The following PLCH1 variants were observed in gnomAD, a reference collection of about 807,000 sequenced individuals.
PLCH1 encodes phospholipase C eta 1, also known as 1-phosphatidylinositol 4,5-bisphosphate phosphodiesterase eta-1.
In PLCH1, 60 loss-of-function variants were observed where a neutral mutation model predicts 126.7. That is an observed-to-expected ratio of 0.47 (90% CI 0.38 to 0.59). PLCH1 has a LOEUF of 0.59. PLCH1 is among the 20% of genes least tolerant of loss of function. PLCH1 has a pLI of 0.00. For missense variants in PLCH1, 1,723 were observed against 2,040.0 expected, an observed-to-expected ratio of 0.84 and a Z score of 2.99; for synonymous variants, 719 against 734.9, an observed-to-expected ratio of 0.98 and a Z score of 0.35.
rs537317881 is a variant in PLCH1, at chr3:155,653,603, C to T, written c.79+50543G>A. Among the ~76,000 whole-genome samples the T allele has an allele frequency of 2.6e-5, 4 of 152,268 alleles. No homozygotes were observed. In the East Asian group the frequency reaches 7.7e-4, roughly 29 times the overall value. On this transcript the variant is annotated intron_variant, in intron 2 of 22. Transcript: ENST00000460012. ...TATATACCCTCACTTTTCAAATAGGCCCTCATTTCCCTTGTCAGTTCATTT... is the reference window on the plus strand; with the variant it reads ...TATATACCCTCACTTTTCAAATAGGTCCTCATTTCCCTTGTCAGTTCATTT...
intron 7 of PLCH1, among the ~76,000 whole-genome samples, chr3:155,566,468 T>C (rs142125883): frequency 4.8e-4 from 73 of 151,582 alleles, no homozygotes; most frequent in African/African-American, 1.7e-3. Flanking sequence ...GCTATGCTTA[T>C]GCAGTGTGAC....
intron 1 of PLCH1, among the ~76,000 whole-genome samples, chr3:155,724,782 G>A (rs1035404235): frequency 6.7e-6 from 1 of 149,114 alleles, no homozygotes; most frequent in African/African-American, 2.5e-5. Flanking sequence ...TATTCATCAT[G>A]GTATTTGTTG....
In PLCH1 at chr3:155,514,787, T is replaced by A; in HGVS notation, c.1568A>T (p.Asp523Val). The A allele has an allele frequency of 6.2e-7, 1 of 1,613,428 alleles. No homozygotes were observed. ...CAGTAGTGCCCGCACTGTGAAACTA[T>A]CAGGATCTTCTTTATCTCGAATTTG... Reference protein sequence around the residue: ...ESQIRDKEDPDSFTVRALLKA... With the variant: ...ESQIRDKEDPVSFTVRALLKA... Residue 523 changes from aspartate (D) to valine (V), a missense_variant, in exon 12 of 23, where the codon GAT becomes GTT. By Grantham distance (152) the Asp-to-Val change is radical. This residue lies in a region of PLCH1 where 776 missense variants were observed against 1,062.9 expected (regional missense o/e 0.73). Transcript: ENST00000460012.
At chr3:155,702,417 T>G (rs1343887907) in intron 2 of PLCH1, among the ~76,000 whole-genome samples, 2 of 152,162 alleles carry the variant, frequency 1.3e-5, no homozygotes, top group Non-Finnish European at 2.9e-5. Flanking sequence ...GATCAGGATT[T>G]GAATTTTAGG....
intron 2 of PLCH1, among the ~76,000 whole-genome samples, chr3:155,618,687 C>T (rs1026870146): frequency 1.3e-5 from 2 of 152,192 alleles, no homozygotes; most frequent in Non-Finnish European, 2.9e-5. Flanking sequence ...GGCTCTGTTG[C>T]CCAGGCTAGA....
intron 10 of PLCH1, among the ~76,000 whole-genome samples, chr3:155,535,476 G>A (rs923263108): frequency 2.0e-5 from 3 of 152,202 alleles, no homozygotes; most frequent in Non-Finnish European, 2.9e-5. Context: ...CTTGCTGGCT[G>A]AGTGGGAACT....
Position 155,514,742 on chromosome 3 carries a change from A to G in PLCH1, c.1613T>C (p.Leu538Ser), listed in dbSNP as rs1576879626. The G allele has an allele frequency of 1.3e-6, 2 of 1,592,316 alleles. No individual in the cohort carries two copies. Among genetic ancestry groups the G allele is most frequent in the Middle Eastern group, 3.3e-4 (2 of 5,982 alleles). The change falls in exon 12 of 23, where the codon TTA (leucine) becomes TCA (serine). Residue 538 changes from leucine to serine, a missense_variant. By Grantham distance (145) the Leu-to-Ser change is moderately radical. Around this residue, in one of 2 missense-constraint regions of PLCH1, gnomAD observed 776 missense variants for 1,062.9 expected, o/e 0.73. Coordinates refer to ENST00000460012, the MANE Select transcript of PLCH1 (RefSeq NM_014996.4). The stretch of plus-strand genomic sequence containing the variant: ...AGATACCTGCTTCAGGTGTGCATTT[A>G]AGCCTTCATGCGTGGCCTTCAGTAG... Reference protein sequence around the residue: ...RALLKATHEGLNAHLKQSPDV... With the variant: ...RALLKATHEGSNAHLKQSPDV...
chr3:155,696,157 A>C (rs1485059521), intron 2 of PLCH1, among the ~76,000 whole-genome samples: 3 of 152,202 alleles, frequency 2.0e-5, no homozygotes, highest in African/African-American at 7.2e-5. Flanking sequence ...AGAGGCTTTA[A>C]ATTAAAAATC....
chr3:155,695,765 G>A (rs1745745028), intron 2 of PLCH1, among the ~76,000 whole-genome samples: 2 of 152,204 alleles, frequency 1.3e-5, no homozygotes, highest in African/African-American at 4.8e-5. Context: ...GACCTGACCT[G>A]GTCTGAGTAG....
chr3:155,662,127 A>T (rs1019111843), intron 2 of PLCH1, among the ~76,000 whole-genome samples: 1 of 152,178 alleles, frequency 6.6e-6, no homozygotes, highest in Non-Finnish European at 1.5e-5. Flanking sequence ...GAGGACACTC[A>T]CTAGAACTAG....
intron 2 of PLCH1, among the ~76,000 whole-genome samples, chr3:155,607,328 A>G (rs1430662881): frequency 6.6e-6 from 1 of 152,220 alleles, no homozygotes; most frequent in Non-Finnish European, 1.5e-5. Flanking sequence ...AAGAGCCCTA[A>G]TAAATTGGCT....
intron 10 of PLCH1, among the ~76,000 whole-genome samples, chr3:155,545,264 A>G (rs2108420386): frequency 6.6e-6 from 1 of 150,710 alleles, no homozygotes; most frequent in South Asian, 2.1e-4. Flanking sequence ...AAACACCTCT[A>G]CGCAAATAAA....
intron 11 of PLCH1, among the ~76,000 whole-genome samples, chr3:155,518,960 T>G (rs1223031551): frequency 6.6e-6 from 1 of 152,180 alleles, no homozygotes; most frequent in Admixed American, 6.5e-5. Context: ...AAAGAATGCT[T>G]AACACAAAAG....
chr3:155,627,768 GATTT>G (rs759928036), intron 2 of PLCH1, among the ~76,000 whole-genome samples: 1 of 140,248 alleles, frequency 7.1e-6, no homozygotes, highest in African/African-American at 2.8e-5. Flanking sequence ...AGTTATCGGA[GATTT>G]TTTTTTTTTT....
chr3:155,572,042 C>T (rs1729295045), intron 6 of PLCH1, among the ~76,000 whole-genome samples: 1 of 152,146 alleles, frequency 6.6e-6, no homozygotes, highest in Non-Finnish European at 1.5e-5. Context: ...AAATTCTTCC[C>T]AATGACTCTA....
At chr3:155,729,129 T>G (rs1232611274) in intron 1 of PLCH1, among the ~76,000 whole-genome samples, 2 of 152,146 alleles carry the variant, frequency 1.3e-5, no homozygotes, top group East Asian at 3.8e-4. Flanking sequence ...CAAAATTCAG[T>G]CTAAGAAAAG....
At chr3:155,514,481 C>G (rs769542989) in intron 12 of PLCH1, among the ~76,000 whole-genome samples, 2 of 152,196 alleles carry the variant, frequency 1.3e-5, no homozygotes, top group African/African-American at 2.4e-5. Context: ...GAAGATGAGT[C>G]TGGAAACACT....
rs547847628 is a variant in PLCH1 at position 155,726,246 on chromosome 3, T to A, written c.-41+18594A>T. On this transcript the variant is annotated intron_variant, in intron 1 of 22. Coordinates refer to ENST00000460012, the MANE Select transcript of PLCH1 (RefSeq NM_014996.4). ...AAATAATTTTCTTCTACCTCAAGTG[T>A]TACTCTTTTAGTGAAGATCTGCTGG... Among the ~76,000 whole-genome samples the A allele has an allele frequency of 7.7e-4, 118 of 152,366 alleles. 1 individual carries two copies. Among genetic ancestry groups the A allele is most frequent in the African/African-American group, 2.7e-3 (114 of 41,586 alleles).
intron 6 of PLCH1, among the ~76,000 whole-genome samples, chr3:155,572,892 A>G (rs1208379305): frequency 6.6e-6 from 1 of 151,786 alleles, no homozygotes; most frequent in Non-Finnish European, 1.5e-5. Flanking sequence ...CACCTGGCTG[A>G]TTTTTTTATT....
Sources: allele counts gnomAD v4.1 joint callset (sites outside exome capture counted in the v4.1 genomes callset), GRCh38; gene constraint gnomAD v4.1.1; regional missense constraint gnomAD v4.1.1; transcripts MANE v1.5; gene names NCBI Gene and HGNC (gene_info 2026-07-23, HGNC 2026-07-21).